PCSK2: variants seen among roughly 807,000 people sequenced by gnomAD.
PCSK2 encodes the protein proprotein convertase subtilisin/kexin type 2, also known as neuroendocrine convertase 2.
PCSK2 carries 14 observed loss-of-function variants against 69.7 expected under a neutral mutation model. The ratio of observed to expected loss-of-function variants is 0.20; its 90% CI spans 0.13 to 0.31. The LOEUF is 0.31. PCSK2 is among the 10% of genes least tolerant of loss of function. The pLI is 1.00. For synonymous variants in PCSK2, 307 were observed against 320.7 expected, an observed-to-expected ratio of 0.96 and a Z score of 0.46; for missense variants, 544 against 842.5, an observed-to-expected ratio of 0.65 and a Z score of 4.39.
intron 2 of PCSK2, among the ~76,000 whole-genome samples, chr20:17,277,577 A>C (rs1303706597): frequency 2.0e-5 from 3 of 151,482 alleles, no homozygotes; most frequent in Non-Finnish European, 4.4e-5. Flanking sequence ...TTCAAGATGG[A>C]TTAAAGACTT....
intron 5 of PCSK2, among the ~76,000 whole-genome samples, chr20:17,384,134 A>G (rs909520915): frequency 2.0e-5 from 3 of 152,216 alleles, no homozygotes; most frequent in Non-Finnish European, 4.4e-5. Flanking sequence ...CAACTAGAAC[A>G]CAATACCCTC....
intron 2 of PCSK2, among the ~76,000 whole-genome samples, chr20:17,288,317 C>A (rs1393311292): frequency 6.6e-6 from 1 of 152,110 alleles, no homozygotes; most frequent in Non-Finnish European, 1.5e-5. Flanking sequence ...AGGGGAGAGG[C>A]CAGGGATTCT....
At chr20:17,333,644 C>A (rs1042022447) in intron 2 of PCSK2, among the ~76,000 whole-genome samples, 4 of 151,826 alleles carry the variant, frequency 2.6e-5, no homozygotes, top group Non-Finnish European at 5.9e-5. Context: ...TTTGTTAGTA[C>A]TAAGAAGTAG....
intron 2 of PCSK2, among the ~76,000 whole-genome samples, chr20:17,335,880 G>GTGTGTA (rs904737951): frequency 6.6e-6 from 1 of 151,634 alleles, no homozygotes; most frequent in African/African-American, 2.4e-5. Context: ...GTGTGTGTGT[G>GTGTGTA]TGTGTGTGTG....
chr20:17,248,403 T>C (rs1365305434), intron 1 of PCSK2, among the ~76,000 whole-genome samples: 1 of 152,176 alleles, frequency 6.6e-6, no homozygotes, highest in Non-Finnish European at 1.5e-5. Context: ...GAGGTCTGTG[T>C]AGGCAGCAAG....
rs144042250 is a variant in PCSK2, at chr20:17,297,243, C to G, written c.282+36899C>G. Among the ~76,000 whole-genome samples, 399 of 152,264 alleles carry G rather than the reference C, an allele frequency of 2.6e-3. 1 individual carries two copies. The highest frequency in any genetic ancestry group is 3.5e-3 in the Non-Finnish European group (236 of 68,014). On this transcript the variant is annotated intron_variant, in intron 2 of 11. Transcript: ENST00000262545. Reference sequence around the variant, plus strand: ...GAGAGCGATACAGAACAGTGCCAGACAGAGACGTGGAGTCCAGATCCTGTT... The same window carrying G: ...GAGAGCGATACAGAACAGTGCCAGAGAGAGACGTGGAGTCCAGATCCTGTT...
intron 6 of PCSK2, among the ~76,000 whole-genome samples, chr20:17,420,025 G>A (rs1404158306): frequency 6.6e-6 from 1 of 152,202 alleles, no homozygotes; most frequent in Admixed American, 6.5e-5. Flanking sequence ...TGGAGGGAAG[G>A]AAGATGGATA....
chr20:17,346,064 G>A (rs1221727851), intron 2 of PCSK2, among the ~76,000 whole-genome samples: 1 of 152,112 alleles, frequency 6.6e-6, no homozygotes, highest in Non-Finnish European at 1.5e-5. Flanking sequence ...CATTAATGAG[G>A]CCCCCCTCCG....
intron 10 of PCSK2, among the ~76,000 whole-genome samples, chr20:17,462,834 G>C (rs901089299): frequency 3.9e-5 from 6 of 152,172 alleles, no homozygotes; most frequent in African/African-American, 1.4e-4. Flanking sequence ...GTATATCGCA[G>C]ATACTCCATA....
At chr20:17,466,369 T>C (rs1424285102) in intron 11 of PCSK2, among the ~76,000 whole-genome samples, 1 of 152,234 alleles carries the variant, frequency 6.6e-6, no homozygotes, top group East Asian at 1.9e-4. Flanking sequence ...TACTTACAGC[T>C]TTTCTCATTG....
intron 5 of PCSK2, among the ~76,000 whole-genome samples, chr20:17,383,595 A>C (rs776849125): frequency 8.5e-5 from 13 of 152,348 alleles, no homozygotes; most frequent in Non-Finnish European, 1.8e-4. Context: ...AAGCTGAAAA[A>C]TTAACCTAGG....
chr20:17,346,461 T>G, intron 2 of PCSK2, among the ~76,000 whole-genome samples: 1 of 152,188 alleles, frequency 6.6e-6, no homozygotes, highest in South Asian at 2.1e-4. Flanking sequence ...CTTATTAGAC[T>G]GAGGCCCTTT....
chr20:17,228,509 G>C (rs936420141), intron 1 of PCSK2, among the ~76,000 whole-genome samples: 3 of 152,206 alleles, frequency 2.0e-5, no homozygotes, highest in Admixed American at 1.3e-4. Context: ...GGTGGGGCGA[G>C]GGGAACCCAA....
Position 17,465,567 on chromosome 20 carries a change from G to T in PCSK2, c.1430+14G>T, listed in dbSNP as rs760907347. On this transcript the variant is annotated intron_variant, in intron 11 of 11. Coordinates refer to ENST00000262545, the MANE Select transcript of PCSK2 (RefSeq NM_002594.5). ...GCAGGACCCTGAGTAAGTGGGGGTA[G>T]TGGTCCCTCTGCTGCATGTGGAAAG... 1 of 1,514,804 alleles carries T rather than the reference G, an allele frequency of 6.6e-7. No individual in the cohort carries two copies. Among genetic ancestry groups the T allele is most frequent in the Non-Finnish European group, 9.0e-7 (1 of 1,107,904 alleles). The allele number at this position is 1,514,804 out of a possible 1,614,324, so 93.8% of individuals were successfully genotyped here. A position where few individuals can be genotyped will look rare whatever the true frequency, so the allele number is the denominator to read the frequency against.
intron 10 of PCSK2, among the ~76,000 whole-genome samples, chr20:17,458,574 G>A (rs1051437529): frequency 1.3e-5 from 2 of 152,178 alleles, no homozygotes; most frequent in African/African-American, 4.8e-5. Flanking sequence ...AGAGGGATGA[G>A]GAATAGGGCC....
chr20:17,249,004 A>T (rs1159323483), intron 1 of PCSK2, among the ~76,000 whole-genome samples: 2 of 152,118 alleles, frequency 1.3e-5, no homozygotes, highest in African/African-American at 4.8e-5. Context: ...AAAATGAGGC[A>T]GCTAGACCAA....
intron 2 of PCSK2, among the ~76,000 whole-genome samples, chr20:17,260,592 T>A (rs1987342381): frequency 6.6e-6 from 1 of 152,188 alleles, no homozygotes. Context: ...TTACTGGCTA[T>A]CTTCTCCTGA....
Position 17,382,207 on chromosome 20 carries a change from T to A in PCSK2, c.543+12930T>A, listed in dbSNP as rs111584851. 9.6e-3 allele frequency among the ~76,000 whole-genome samples: 1,459 copies of A among 152,312 alleles called. 9 individuals are homozygous for A. The highest frequency in any genetic ancestry group is 0.015 in the South Asian group (74 of 4,820). On this transcript the variant is annotated intron_variant, in intron 5 of 11. Transcript: ENST00000262545. ...TGCCGTGGTTCTGATATTTCTCCAT[T>A]GATTTCTGTGGAATAGCAGGAGTGT...
In PCSK2 at chr20:17,384,790, G is replaced by A. The variant is rs2031190999; in HGVS notation, c.543+15513G>A. Among the ~76,000 whole-genome samples, 3 of 152,010 alleles carry A rather than the reference G, an allele frequency of 2.0e-5. No homozygotes were observed. The South Asian group carries it at 6.2e-4, about 32-fold the overall frequency. On this transcript the variant is annotated intron_variant, in intron 5 of 11. Coordinates refer to ENST00000262545, the MANE Select transcript of PCSK2 (RefSeq NM_002594.5). Reference sequence around the variant, plus strand: ...GCTACAAAAAAATTAAAAATTTGCTGGGAATGGTGGTGCATCTGTAGTCCC... The same window carrying A: ...GCTACAAAAAAATTAAAAATTTGCTAGGAATGGTGGTGCATCTGTAGTCCC...
Sources: allele counts gnomAD v4.1 joint callset (sites outside exome capture counted in the v4.1 genomes callset), GRCh38; gene constraint gnomAD v4.1.1; transcripts MANE v1.5; gene names NCBI Gene and HGNC (gene_info 2026-07-23, HGNC 2026-07-21).